The following ABCA13 variants were observed in gnomAD, a reference collection of about 807,000 sequenced individuals.
The protein encoded by ABCA13 is ATP-binding cassette sub-family A member 13.
Under a neutral mutation model 478.7 loss-of-function variants are expected in ABCA13, and 476 were observed. The observed-to-expected ratio is 0.99, with a 90% CI of 0.92 to 1.07. The LOEUF is 1.07. ABCA13 is among the 50% of genes least tolerant of loss of function. The pLI is 0.00. For synonymous variants in ABCA13, 2,252 were observed against 2,158.9 expected (o/e 1.04, Z -1.20); for missense variants, 6,060 against 5,910.6 (o/e 1.03, Z -0.83).
intron 44 of ABCA13, among the ~76,000 whole-genome samples, chr7:48,468,939 A>T (rs931976854): frequency 2.0e-5 from 3 of 152,242 alleles, no homozygotes; most frequent in Non-Finnish European, 1.5e-5. Flanking sequence ...CATAATTTAA[A>T]ATTTAAAATG....
At position 48,227,267 on chromosome 7, in the gene ABCA13, T is replaced by A; in HGVS notation, c.474T>A (p.Asp158Glu). The A allele has an allele frequency of 6.2e-7, 1 of 1,613,420 alleles. No individual in the cohort carries two copies. The highest frequency in any genetic ancestry group is 8.5e-7 in the Non-Finnish European group (1 of 1,179,718). Residue 158 changes from aspartate to glutamate, a missense_variant, in exon 6 of 62, where the codon GAT becomes GAA. This residue lies in a region of ABCA13 where 4,423 missense variants were observed against 4,309.1 expected (regional missense o/e 1.03). Coordinates refer to ENST00000435803, the MANE Select transcript of ABCA13 (RefSeq NM_152701.5). ...SSYGSSFFTM[D>E]LNKTEEVILK... is the part of the protein sequence containing the mutation. ...TGTATTTTTTTTCCCATCAGATGGA[T>A]CTCAATAAGACCGAGGAGGTAATAT... is the stretch of plus-strand genomic sequence containing the variant.
chr7:48,263,950 C>T lies in ABCA13; in HGVS notation c.2006-5030C>T, dbSNP rs542368947. Among the ~76,000 whole-genome samples, 6 of 151,996 alleles carry T rather than the reference C, an allele frequency of 3.9e-5. No homozygotes were observed. In the East Asian group the frequency reaches 5.8e-4, roughly 15 times the overall value. Reference sequence around the variant, plus strand: ...AAAGCTTCTTCTCTATTGTCAATTCCGGCTTCCTGCCCTGTCACCAGGCTA... The same window carrying T: ...AAAGCTTCTTCTCTATTGTCAATTCTGGCTTCCTGCCCTGTCACCAGGCTA... On this transcript the variant is annotated intron_variant, in intron 15 of 61. Coordinates refer to ENST00000435803, the MANE Select transcript of ABCA13 (RefSeq NM_152701.5).
At chr7:48,334,359 G>T (rs1292696284) in intron 27 of ABCA13, among the ~76,000 whole-genome samples, 18 of 149,672 alleles carry the variant, frequency 1.2e-4, no homozygotes, top group Non-Finnish European at 2.4e-4. Context: ...TTTTGAGATG[G>T]AGTCTTGCTC....
intron 53 of ABCA13, among the ~76,000 whole-genome samples, chr7:48,521,655 G>C (rs186097051): frequency 6.6e-6 from 1 of 151,922 alleles, no homozygotes; most frequent in African/African-American, 2.4e-5. Flanking sequence ...CAGATTTCAG[G>C]GTACTCCATT....
intron 53 of ABCA13, 95 bp from the exon 54 acceptor site, chr7:48,524,153 T>C: frequency 8.2e-7 from 1 of 1,216,992 alleles, no homozygotes; most frequent in Non-Finnish European, 1.1e-6. Flanking sequence ...AGGTGATATC[T>C]TCAATTTTTT....
chr7:48,217,529 ATATTTTGATCT>A (rs1482807997), intron 3 of ABCA13, among the ~76,000 whole-genome samples: 1 of 152,040 alleles, frequency 6.6e-6, no homozygotes, highest in Non-Finnish European at 1.5e-5. Context: ...TAGGTAGGTA[ATATTTTGATCT>A]TATTTTAAAG....
At position 48,262,033 on chromosome 7, in the gene ABCA13, A is replaced by G. The variant is rs571979949; in HGVS notation, c.2006-6947A>G. 1.6e-3 allele frequency among the ~76,000 whole-genome samples: 239 copies of G among 152,086 alleles called. 1 individual carries two copies. Among genetic ancestry groups the G allele is most frequent in the Middle Eastern group, 3.4e-3 (1 of 294 alleles). Reference sequence around the variant, plus strand: ...ATTTCTCCAAAGCTTACACAATAGAATTCTTGAAATACCTGCTAACAACAC... The same window carrying G: ...ATTTCTCCAAAGCTTACACAATAGAGTTCTTGAAATACCTGCTAACAACAC... On this transcript the variant is annotated intron_variant, in intron 15 of 61. Coordinates refer to ENST00000435803, the MANE Select transcript of ABCA13 (RefSeq NM_152701.5).
intron 55 of ABCA13, among the ~76,000 whole-genome samples, chr7:48,550,741 G>A (rs559339506): frequency 2.0e-4 from 29 of 147,030 alleles, no homozygotes; most frequent in Admixed American, 6.9e-5. Context: ...CTATCCATCC[G>A]TCTGTCCATC....
intron 1 of ABCA13, among the ~76,000 whole-genome samples, chr7:48,174,585 A>T (rs1432179916): frequency 1.3e-5 from 2 of 152,164 alleles, no homozygotes; most frequent in Non-Finnish European, 2.9e-5. Context: ...TGGAAAAAGT[A>T]GTTTCTTACC....
chr7:48,176,553 C>A (rs1012345057), intron 1 of ABCA13, among the ~76,000 whole-genome samples: 4 of 152,152 alleles, frequency 2.6e-5, no homozygotes, highest in African/African-American at 9.7e-5. Flanking sequence ...TTCTTTTAGT[C>A]ATGAATAAGA....
intron 15 of ABCA13, among the ~76,000 whole-genome samples, chr7:48,267,531 A>T (rs562597748): frequency 6.6e-6 from 1 of 152,104 alleles, no homozygotes; most frequent in African/African-American, 2.4e-5. Context: ...TGCATTTCTT[A>T]CAAGTAGCAT....
intron 59 of ABCA13, among the ~76,000 whole-genome samples, chr7:48,631,545 G>C (rs1238899252): frequency 1.3e-5 from 2 of 151,944 alleles, no homozygotes; most frequent in African/African-American, 4.8e-5. Flanking sequence ...ATGATGTTTT[G>C]GTTATTGTAG....
chr7:48,361,021 A>G (rs542841364), intron 31 of ABCA13, among the ~76,000 whole-genome samples: 1 of 151,710 alleles, frequency 6.6e-6, no homozygotes, highest in South Asian at 2.1e-4. Context: ...GCTTGAGCCC[A>G]GGAGGCTGAG....
chr7:48,236,700 C>T (rs1288587422), intron 8 of ABCA13, among the ~76,000 whole-genome samples: 9 of 152,330 alleles, frequency 5.9e-5, no homozygotes, highest in African/African-American at 9.6e-5. Flanking sequence ...CCAGGATAAT[C>T]GCCCATCTCA....
chr7:48,499,277 C>A (rs1012380069), intron 48 of ABCA13, among the ~76,000 whole-genome samples: 3 of 152,168 alleles, frequency 2.0e-5, no homozygotes, highest in Admixed American at 6.5e-5. Flanking sequence ...TAACTTTTTA[C>A]TCTTACATAT....
intron 29 of ABCA13, among the ~76,000 whole-genome samples, chr7:48,344,481 G>A (rs771430584): frequency 6.6e-6 from 1 of 152,204 alleles, no homozygotes; most frequent in Non-Finnish European, 1.5e-5. Context: ...GTGAACAATC[G>A]TTAACTTGTA....
At chr7:48,327,612 C>T (rs1804539139) in intron 27 of ABCA13, among the ~76,000 whole-genome samples, 1 of 151,944 alleles carries the variant, frequency 6.6e-6, no homozygotes, top group Admixed American at 6.6e-5. Flanking sequence ...GTTTATATTC[C>T]CAAGTTTATT....
intron 27 of ABCA13, 29 bp from the exon 28 acceptor site, chr7:48,335,393 G>C (rs1195281049): frequency 6.7e-7 from 1 of 1,485,756 alleles, no homozygotes; most frequent in East Asian, 2.3e-5. Context: ...CTGAATAAGA[G>C]ACATATCCAA....
At chr7:48,330,140 T>A (rs1805062781) in intron 27 of ABCA13, among the ~76,000 whole-genome samples, 1 of 151,602 alleles carries the variant, frequency 6.6e-6, no homozygotes, top group Non-Finnish European at 1.5e-5. Context: ...CATCCATCCA[T>A]CCATTCATCT....
Sources: allele counts gnomAD v4.1 joint callset (sites outside exome capture counted in the v4.1 genomes callset), GRCh38; gene constraint gnomAD v4.1.1; regional missense constraint gnomAD v4.1.1; transcripts MANE v1.5; gene names NCBI Gene and HGNC (gene_info 2026-07-23, HGNC 2026-07-21).